Variants in SCAF4 observed in about 807,000 individuals in gnomAD.
The protein encoded by SCAF4 is SR-related CTD associated factor 4.
A neutral mutation model predicts 129.8 loss-of-function variants in SCAF4; 25 were observed. That is an observed-to-expected ratio of 0.19 (90% CI 0.14 to 0.27). The LOEUF is 0.27. SCAF4 is among the 10% of genes least tolerant of loss of function. The pLI, the probability that SCAF4 is intolerant of heterozygous loss-of-function variation, is 1.00. For synonymous variants in SCAF4, 551 were observed against 497.7 expected, an observed-to-expected ratio of 1.11 and a Z score of -1.43; for missense variants, 1,246 against 1,457.1, an observed-to-expected ratio of 0.86 and a Z score of 2.36.
chr21:31,692,645 A>G (rs945044528), intron 12 of SCAF4, among the ~76,000 whole-genome samples, 196 bp from the exon 13 acceptor site: 2 of 152,250 alleles, frequency 1.3e-5, no homozygotes, highest in Non-Finnish European at 2.9e-5. Context: ...TGGGATAGTG[A>G]AAGATATACA....
intron 1 of SCAF4, among the ~76,000 whole-genome samples, chr21:31,729,598 G>A (rs757631390): frequency 1.3e-5 from 2 of 152,112 alleles, no homozygotes; most frequent in Non-Finnish European, 2.9e-5. Flanking sequence ...TCATGAATGG[G>A]GAGAAATAGT....
intron 7 of SCAF4, among the ~76,000 whole-genome samples, chr21:31,699,226 A>AT (rs1387817873): frequency 6.6e-6 from 1 of 152,242 alleles, no homozygotes; most frequent in Non-Finnish European, 1.5e-5. Context: ...TTTCAAAAAC[A>AT]TAATGGTTTA....
chr21:31,712,952 C>T, intron 1 of SCAF4: 10 of 701,240 alleles, frequency 1.4e-5, no homozygotes, highest in Non-Finnish European at 1.8e-5. Flanking sequence ...CTCCTACCCC[C>T]TCTCACATAC....
Position 31,672,142 on chromosome 21 carries a change from G to C in SCAF4, c.2701C>G (p.Pro901Ala). 1 of 1,607,304 alleles carries C rather than the reference G, an allele frequency of 6.2e-7. No homozygotes were observed. The highest frequency in any genetic ancestry group is 8.5e-7 in the Non-Finnish European group (1 of 1,175,054). ...PPGPGGFAMP[P>A]PHGMKGPFPP... ...AAGGGACCTTTCATTCCATGAGGTG[G>C]AGGCATCGCAAAGCCCCCTGGTCCT... is the stretch of plus-strand genomic sequence containing the variant. Residue 901 changes from proline (P) to alanine (A), a missense_variant, in exon 20 of 20, where the codon CCA (proline) becomes GCA (alanine). Coordinates refer to ENST00000286835, the MANE Select transcript of SCAF4 (RefSeq NM_020706.2).
Position 31,725,923 on chromosome 21 carries a change from TAA to T in SCAF4, c.30+5738_30+5739del, listed in dbSNP as rs1192723099. ...TGTTATTTATATTAACATATTGTAA[TAA>T]GTTTATTGTTATTTTTAGTAAATTA... is the stretch of plus-strand genomic sequence containing the variant. On this transcript the variant is annotated intron_variant, in intron 1 of 19. Coordinates refer to ENST00000286835, the MANE Select transcript of SCAF4 (RefSeq NM_020706.2). 3.3e-5 allele frequency among the ~76,000 whole-genome samples: 5 copies of T among 152,322 alleles called. No homozygotes were observed. In the East Asian group the frequency reaches 9.6e-4, roughly 29 times the overall value.
intron 16 of SCAF4, 136 bp from the exon 17 acceptor site, chr21:31,685,869 A>G: frequency 1.3e-6 from 1 of 799,652 alleles, no homozygotes; most frequent in Non-Finnish European, 1.9e-6. Flanking sequence ...TTATTAAATA[A>G]CAGGTGGTAG....
chr21:31,704,921 T>C (rs2050620606), intron 3 of SCAF4, among the ~76,000 whole-genome samples: 1 of 152,210 alleles, frequency 6.6e-6, no homozygotes, highest in Non-Finnish European at 1.5e-5. Flanking sequence ...AGGTACTACA[T>C]GTCACAGCTC....
At chr21:31,713,113 T>G (rs956824437) in intron 1 of SCAF4, among the ~76,000 whole-genome samples, 1 of 152,244 alleles carries the variant, frequency 6.6e-6, no homozygotes, top group African/African-American at 2.4e-5. Context: ...ACTGAGTCCT[T>G]ACTTGTGTCT....
At chr21:31,689,464 ATTTTTTT>A (rs11299714) in intron 15 of SCAF4, among the ~76,000 whole-genome samples, 3 of 132,658 alleles carry the variant, frequency 2.3e-5, no homozygotes, top group Non-Finnish European at 4.9e-5. Context: ...CATCCAGCTA[ATTTTTTT>A]TTTTTTTTTT....
intron 1 of SCAF4, among the ~76,000 whole-genome samples, chr21:31,717,322 A>G (rs1210172424): frequency 6.6e-6 from 1 of 152,210 alleles, no homozygotes; most frequent in African/African-American, 2.4e-5. Flanking sequence ...GCTATTAAAA[A>G]GATCTGGTAA....
chr21:31,675,146 G>A (rs1482971485), intron 19 of SCAF4, among the ~76,000 whole-genome samples: 3 of 152,200 alleles, frequency 2.0e-5, no homozygotes, highest in South Asian at 4.1e-4. Flanking sequence ...AAAATGACTT[G>A]ATGAAAACTA....
chr21:31,694,893 G>A lies in SCAF4; in HGVS notation c.1156C>T (p.Pro386Ser), dbSNP rs749195902. The A allele has an allele frequency of 1.2e-6, 2 of 1,614,150 alleles. No individual in the cohort carries two copies. The highest frequency in any genetic ancestry group is 8.5e-7 in the Non-Finnish European group (1 of 1,179,966). Residue 386 changes from proline (P) to serine (S), a missense_variant, in exon 10 of 20, where the codon CCA becomes TCA. By Grantham distance (74) the Pro-to-Ser change is moderately conservative. Coordinates refer to ENST00000286835, the MANE Select transcript of SCAF4 (RefSeq NM_020706.2). The stretch of plus-strand genomic sequence containing the variant: ...AAAGGCTGCTGCACTGGTGGAGTTG[G>A]AGGAATCACAGGCTGAGCCATGGGA... The part of the protein sequence containing the change: ...FPPMAQPVIP[P>S]TPPVQQPFQA...
At chr21:31,717,902 T>TACACACACACACAC (rs1364665234) in intron 1 of SCAF4, among the ~76,000 whole-genome samples, 3 of 95,548 alleles carry the variant, frequency 3.1e-5, no homozygotes, top group Non-Finnish European at 4.3e-5. Context: ...TATACACATA[T>TACACACACACACAC]ATACACACAC....
intron 19 of SCAF4, 71 bp from the exon 20 acceptor site, chr21:31,672,425 G>C: frequency 1.7e-6 from 2 of 1,169,570 alleles, no homozygotes; most frequent in Non-Finnish European, 2.5e-6. Context: ...GTGTTCTGTG[G>C]CGCTTAAAGC....
At position 31,731,849 on chromosome 21, in the gene SCAF4, G is replaced by A; in HGVS notation, c.-157C>T. On this transcript the variant is annotated 5_prime_UTR_variant, in exon 1 of 20. Coordinates refer to ENST00000286835, the MANE Select transcript of SCAF4 (RefSeq NM_020706.2). ...GGCAGGAAGAGGCTGCGCCCGAAGC[G>A]GCGAGGCGGGCGGCCGAGGCAGAGG... 1 of 773,456 alleles carries A rather than the reference G, an allele frequency of 1.3e-6. No homozygotes were observed. The highest frequency in any genetic ancestry group is 1.9e-6 in the Non-Finnish European group (1 of 534,256). The allele number at this position is 773,456 out of a possible 1,614,324, so 47.9% of individuals were successfully genotyped here.
chr21:31,726,619 T>C (rs916102143), intron 1 of SCAF4, among the ~76,000 whole-genome samples: 1 of 152,200 alleles, frequency 6.6e-6, no homozygotes, highest in African/African-American at 2.4e-5. Flanking sequence ...GGGTGGAGTT[T>C]GTGCCACTGC....
chr21:31,707,292 G>T (rs1287740522), intron 1 of SCAF4, among the ~76,000 whole-genome samples: 5 of 152,206 alleles, frequency 3.3e-5, no homozygotes, highest in Admixed American at 2.0e-4. Flanking sequence ...GGTGGAGGTT[G>T]CAGTGAGCCA....
chr21:31,673,852 T>C (rs988358909), intron 19 of SCAF4, among the ~76,000 whole-genome samples: 2 of 152,230 alleles, frequency 1.3e-5, no homozygotes. Flanking sequence ...CCCATTACCT[T>C]TTATCAGTAA....
At chr21:31,724,979 C>CA (rs1170334193) in intron 1 of SCAF4, among the ~76,000 whole-genome samples, 1 of 152,154 alleles carries the variant, frequency 6.6e-6, no homozygotes, top group African/African-American at 2.4e-5. Flanking sequence ...CACTTTATCG[C>CA]AATCACTATA....
Sources: allele counts gnomAD v4.1 joint callset (sites outside exome capture counted in the v4.1 genomes callset), GRCh38; gene constraint gnomAD v4.1.1; transcripts MANE v1.5; gene names NCBI Gene and HGNC (gene_info 2026-07-23, HGNC 2026-07-21).